CACNA2D3: variants seen among roughly 807,000 people sequenced by gnomAD.
The protein encoded by CACNA2D3 is calcium voltage-gated channel auxiliary subunit alpha2delta 3, also known as voltage-dependent calcium channel subunit alpha-2/delta-3.
A neutral mutation model predicts 160.6 loss-of-function variants in CACNA2D3; 60 were observed. The observed-to-expected ratio is 0.37, with a 90% CI of 0.30 to 0.46. The LOEUF (loss-of-function observed/expected upper bound fraction) is 0.46, where lower values mean the gene tolerates loss of function less well. Among genes scored for constraint, CACNA2D3 ranks in the 20% least tolerant of loss-of-function variants. The pLI is 1.00. For synonymous variants in CACNA2D3, 558 were observed against 492.9 expected (o/e 1.13, Z -1.75); for missense variants, 1,205 against 1,365.0 (o/e 0.88, Z 1.85).
chr3:54,175,569 C>CAGTGA (rs1700663488), intron 2 of CACNA2D3, among the ~76,000 whole-genome samples: 1 of 138,558 alleles, frequency 7.2e-6, no homozygotes, highest in Non-Finnish European at 1.5e-5. Context: ...GCTGAGGTTG[C>CAGTGA]GACACTGCAC....
chr3:54,811,384 C>T (rs749159801), intron 13 of CACNA2D3, among the ~76,000 whole-genome samples: 1 of 150,302 alleles, frequency 6.7e-6, no homozygotes, highest in Non-Finnish European at 1.5e-5. Context: ...GCTATCATCT[C>T]GATTCTCAAC....
At chr3:54,243,205 AG>A (rs1352871986) in intron 2 of CACNA2D3, among the ~76,000 whole-genome samples, 7 of 152,278 alleles carry the variant, frequency 4.6e-5, no homozygotes, top group African/African-American at 1.7e-4. Context: ...TGGAAACCCA[AG>A]GCTGGAAACT....
intron 18 of CACNA2D3, among the ~76,000 whole-genome samples, chr3:54,872,197 A>C (rs1449106161): frequency 6.6e-6 from 1 of 151,892 alleles, no homozygotes; most frequent in Non-Finnish European, 1.5e-5. Flanking sequence ...CTTTTTCCCC[A>C]CGTAGATTCA....
At chr3:54,262,839 C>CT (rs912280932) in intron 2 of CACNA2D3, among the ~76,000 whole-genome samples, 28 of 152,240 alleles carry the variant, frequency 1.8e-4, no homozygotes, top group African/African-American at 6.5e-4. Context: ...GACGATGTTT[C>CT]TTTTTTCATT....
chr3:54,477,611 T>C (rs1575479005), intron 4 of CACNA2D3, among the ~76,000 whole-genome samples: 1 of 152,076 alleles, frequency 6.6e-6, no homozygotes, highest in East Asian at 1.9e-4. Context: ...TCCTCACCTG[T>C]CCATTTCTCT....
chr3:54,171,556 A>G (rs1300926806), intron 2 of CACNA2D3, among the ~76,000 whole-genome samples: 1 of 152,216 alleles, frequency 6.6e-6, no homozygotes, highest in Non-Finnish European at 1.5e-5. Flanking sequence ...TTATTAATTA[A>G]AACAACTCAG....
At chr3:54,258,795 A>G (rs973077735) in intron 2 of CACNA2D3, among the ~76,000 whole-genome samples, 2 of 152,196 alleles carry the variant, frequency 1.3e-5, no homozygotes, top group Admixed American at 6.5e-5. Context: ...ATAACACCTG[A>G]AGGGATCAGA....
At chr3:54,474,815 C>T (rs1011906684) in intron 4 of CACNA2D3, among the ~76,000 whole-genome samples, 25 of 152,132 alleles carry the variant, frequency 1.6e-4, no homozygotes, top group Admixed American at 4.6e-4. Flanking sequence ...GTTGAGTTCT[C>T]GGATATACAC....
chr3:54,649,838 G>A (rs1478746341), intron 11 of CACNA2D3, among the ~76,000 whole-genome samples: 2 of 152,220 alleles, frequency 1.3e-5, no homozygotes, highest in South Asian at 2.1e-4. Flanking sequence ...GTCTGTTCCT[G>A]TGGGGGCAGA....
chr3:54,909,010 C>T (rs1440788094), intron 27 of CACNA2D3, among the ~76,000 whole-genome samples: 2 of 152,190 alleles, frequency 1.3e-5, no homozygotes, highest in African/African-American at 4.8e-5. Flanking sequence ...CCTATTTAAA[C>T]ATGTTTCTAT....
chr3:54,126,950 C>G (rs912960185), intron 2 of CACNA2D3, among the ~76,000 whole-genome samples: 1 of 152,166 alleles, frequency 6.6e-6, no homozygotes, highest in Non-Finnish European at 1.5e-5. Flanking sequence ...TTCATTACCG[C>G]TGTATTTTGG....
intron 27 of CACNA2D3, among the ~76,000 whole-genome samples, chr3:54,927,708 A>G (rs1472856714): frequency 6.6e-6 from 1 of 152,198 alleles, no homozygotes; most frequent in Non-Finnish European, 1.5e-5. Flanking sequence ...TCATGACTGC[A>G]TACATTTCTC....
Position 54,560,708 on chromosome 3 carries a change from G to T in CACNA2D3, c.545-2092G>T, listed in dbSNP as rs138839957. 8.9e-4 allele frequency among the ~76,000 whole-genome samples: 135 copies of T among 152,160 alleles called. 1 individual carries two copies. The highest frequency in any genetic ancestry group is 2.8e-3 in the African/African-American group (116 of 41,514). ...GTATTCCAGGGTTTTTATAGTTTTGGGTTTTACATTTATGTCTTTAAACCA... is the reference window on the plus strand; with the variant it reads ...GTATTCCAGGGTTTTTATAGTTTTGTGTTTTACATTTATGTCTTTAAACCA... On this transcript the variant is annotated intron_variant, in intron 5 of 37. Transcript: ENST00000474759.
At chr3:54,786,762 AAAC>A (rs1291934567) in intron 13 of CACNA2D3, among the ~76,000 whole-genome samples, 1 of 152,218 alleles carries the variant, frequency 6.6e-6, no homozygotes, top group Non-Finnish European at 1.5e-5. Context: ...ATGGTTAAAA[AAAC>A]ACACAACTGA....
intron 15 of CACNA2D3, 106 bp downstream of exon 15, chr3:54,837,336 T>G: frequency 1.1e-6 from 1 of 879,728 alleles, no homozygotes; most frequent in Non-Finnish European, 1.9e-6. Flanking sequence ...ATAGGATGTA[T>G]GTCATTTTTC....
chr3:54,956,049 C>T (rs1297402391), intron 27 of CACNA2D3, among the ~76,000 whole-genome samples: 1 of 152,240 alleles, frequency 6.6e-6, no homozygotes, highest in Non-Finnish European at 1.5e-5. Flanking sequence ...GTCCGCCCCT[C>T]CTTAATGTTT....
intron 27 of CACNA2D3, among the ~76,000 whole-genome samples, chr3:54,900,331 T>A (rs1351296025): frequency 6.6e-6 from 1 of 152,212 alleles, no homozygotes; most frequent in Admixed American, 6.5e-5. Context: ...GAGTTAGCTG[T>A]ATCTGCAGGT....
intron 2 of CACNA2D3, among the ~76,000 whole-genome samples, chr3:54,261,504 T>G (rs534986937): frequency 3.2e-4 from 48 of 152,282 alleles, no homozygotes; most frequent in African/African-American, 1.0e-3. Flanking sequence ...TTGCTCAAGG[T>G]GTTGGGGATA....
At chr3:54,946,363 CT>C (rs1249981773) in intron 27 of CACNA2D3, among the ~76,000 whole-genome samples, 1 of 152,158 alleles carries the variant, frequency 6.6e-6, no homozygotes, top group Non-Finnish European at 1.5e-5. Flanking sequence ...ATCTGTATGC[CT>C]TCAGAGATTT....
Sources: allele counts gnomAD v4.1 joint callset (sites outside exome capture counted in the v4.1 genomes callset), GRCh38; gene constraint gnomAD v4.1.1; transcripts MANE v1.5; gene names NCBI Gene and HGNC (gene_info 2026-07-23, HGNC 2026-07-21).